The following SH3BGRL variants were observed in gnomAD, a reference collection of about 807,000 sequenced individuals.
SH3BGRL encodes SH3 domain binding glutamate rich protein like.
In SH3BGRL, 7 loss-of-function variants were observed where a neutral mutation model predicts 9.8. The observed-to-expected ratio is 0.72, with a 90% CI of 0.41 to 1.35. The LOEUF is 1.35. Ranked by LOEUF, SH3BGRL falls within the 40% of genes most tolerant of loss-of-function variation. SH3BGRL has a pLI of 0.01. For synonymous variants in SH3BGRL, 36 were observed against 29.1 expected (o/e 1.24, Z -0.76); for missense variants, 73 against 84.4 (o/e 0.86, Z 0.53).
chrX:81,283,983 G>T (rs1224462080), intron 3 of SH3BGRL, among the ~76,000 whole-genome samples: 1 of 110,569 alleles, frequency 9.0e-6, no homozygotes, highest in Non-Finnish European at 1.9e-5. Flanking sequence ...CCAGATCCAA[G>T]ATTAATATAC....
intron 1 of SH3BGRL, among the ~76,000 whole-genome samples, chrX:81,269,862 C>T (rs1366464022): frequency 4.5e-5 from 5 of 111,605 alleles, no homozygotes; most frequent in African/African-American, 9.8e-5. Flanking sequence ...ACCAATCAGA[C>T]GTAGATTTGG....
chrX:81,202,535 C>G (rs1209664530), intron 1 of SH3BGRL: 1 of 915,114 alleles, frequency 1.1e-6, no homozygotes, highest in Non-Finnish European at 1.3e-6. Context: ...TGGTGCTATA[C>G]GGTCTTTAGG....
In SH3BGRL at chrX:81,298,256, A is replaced by G. The variant is rs1226582515; in HGVS notation, c.*1029A>G. On this transcript the variant is annotated 3_prime_UTR_variant, in exon 4 of 4. Transcript: ENST00000373212. ...TTTCTATGCCTCTATTCCAGCAAAA[A>G]GTAGAAGTATCAAATAAAAAGGGCA... 1 of 111,664 alleles carries G rather than the reference A, an allele frequency of 9.0e-6. No individual in the cohort carries two copies. Among genetic ancestry groups the G allele is most frequent in the Non-Finnish European group, 1.9e-5 (1 of 52,896 alleles). The allele number at this position is 111,664 out of a possible 1,213,427, so 9.2% of individuals were successfully genotyped here. A position where few individuals can be genotyped will look rare whatever the true frequency, so the allele number is the denominator to read the frequency against.
intron 1 of SH3BGRL, among the ~76,000 whole-genome samples, chrX:81,211,871 A>T (rs1050581728): frequency 2.7e-5 from 3 of 110,340 alleles, no homozygotes; most frequent in Non-Finnish European, 5.7e-5. Context: ...TACTTAATAA[A>T]CTCCATATAT....
intron 3 of SH3BGRL, among the ~76,000 whole-genome samples, chrX:81,294,570 G>T (rs1379045768): frequency 9.1e-6 from 1 of 110,231 alleles, no homozygotes; most frequent in African/African-American, 3.3e-5. Context: ...TTGCTGCAGA[G>T]GTGGGGCTCT....
intron 1 of SH3BGRL, among the ~76,000 whole-genome samples, chrX:81,262,807 A>C (rs2075745149): frequency 8.9e-6 from 1 of 112,181 alleles, no homozygotes; most frequent in Admixed American, 9.5e-5. Context: ...AAAGTTTATT[A>C]TAATTAAAAT....
At chrX:81,224,606 A>G (rs998394965) in intron 1 of SH3BGRL, among the ~76,000 whole-genome samples, 1 of 111,639 alleles carries the variant, frequency 9.0e-6, no homozygotes, top group Non-Finnish European at 1.9e-5. Flanking sequence ...AGGCAATACT[A>G]AGAGTAAATC....
At chrX:81,274,160 C>A (rs2075789913) in intron 1 of SH3BGRL, among the ~76,000 whole-genome samples, 2 of 111,686 alleles carry the variant, frequency 1.8e-5, no homozygotes. Flanking sequence ...CCTTGTGACA[C>A]CTATTCCTCT....
chrX:81,255,129 C>T (rs1325321305), intron 1 of SH3BGRL, among the ~76,000 whole-genome samples: 1 of 110,914 alleles, frequency 9.0e-6, no homozygotes, highest in Non-Finnish European at 1.9e-5. Flanking sequence ...ACCTCATGGT[C>T]CGCCCCCCTC....
At chrX:81,213,911 T>C (rs2075573574) in intron 1 of SH3BGRL, among the ~76,000 whole-genome samples, 1 of 110,135 alleles carries the variant, frequency 9.1e-6, no homozygotes. Context: ...GGACGGAGAG[T>C]AGATATGGGA....
chrX:81,266,465 C>A (rs1044604365), intron 1 of SH3BGRL, among the ~76,000 whole-genome samples: 4 of 111,787 alleles, frequency 3.6e-5, no homozygotes, highest in Non-Finnish European at 7.5e-5. Flanking sequence ...AATAGGGAAT[C>A]TTTTCCTCAT....
intron 1 of SH3BGRL, among the ~76,000 whole-genome samples, chrX:81,215,859 C>T (rs1226289149): frequency 2.7e-5 from 3 of 111,440 alleles, no homozygotes; most frequent in Non-Finnish European, 3.8e-5. Flanking sequence ...CTTTTTATAC[C>T]GGAACATTCC....
At chrX:81,224,650 A>G (rs2075611064) in intron 1 of SH3BGRL, among the ~76,000 whole-genome samples, 2 of 111,736 alleles carry the variant, frequency 1.8e-5, no homozygotes, top group Admixed American at 9.5e-5. Context: ...ATTTCAGGTC[A>G]CAATTACCCT....
chrX:81,259,646 G>A (rs28513080), intron 1 of SH3BGRL, among the ~76,000 whole-genome samples: 1,694 of 111,933 alleles, frequency 0.015, 40 homozygotes, highest in African/African-American at 0.053. Flanking sequence ...GTACTTGATT[G>A]TGACAGTGTG....
At chrX:81,271,269 G>A (rs1056368326) in intron 1 of SH3BGRL, among the ~76,000 whole-genome samples, 3 of 112,176 alleles carry the variant, frequency 2.7e-5, no homozygotes, top group Non-Finnish European at 5.6e-5. Flanking sequence ...TGTCCATCCA[G>A]TCCCTGTGAG....
At chrX:81,294,925 G>A (rs1407608734) in intron 3 of SH3BGRL, among the ~76,000 whole-genome samples, 1 of 112,076 alleles carries the variant, frequency 8.9e-6, no homozygotes, top group Admixed American at 9.4e-5. Flanking sequence ...TGACTGCCCT[G>A]CTGGATTTTG....
At position 81,256,705 on chromosome X, in the gene SH3BGRL, C is replaced by T. The variant is rs149112142; in HGVS notation, c.46-20279C>T. Among the ~76,000 whole-genome samples the T allele has an allele frequency of 5.2e-3, 583 of 112,289 alleles. 1 individual carries two copies. Among genetic ancestry groups the T allele is most frequent in the Middle Eastern group, 0.014 (3 of 216 alleles). On this transcript the variant is annotated intron_variant, in intron 1 of 3. Transcript: ENST00000373212. ...GCGTATTGTAAACTACTTGGCTGAT[C>T]GTGCTACCTAGCAACTATATTGCTT...
At chrX:81,250,729 A>G (rs1028184195) in intron 1 of SH3BGRL, among the ~76,000 whole-genome samples, 1 of 112,239 alleles carries the variant, frequency 8.9e-6, no homozygotes, top group African/African-American at 3.2e-5. Flanking sequence ...ATAAAAATGC[A>G]GAATTTAGAC....
chrX:81,218,004 C>A (rs767490096), intron 1 of SH3BGRL, among the ~76,000 whole-genome samples: 1 of 110,510 alleles, frequency 9.0e-6, no homozygotes, highest in Non-Finnish European at 1.9e-5. Context: ...TTATATAATG[C>A]CCCTCTTTGT....
Sources: gnomAD v4.1 joint callset for allele counts (sites outside exome capture counted in the v4.1 genomes callset) on GRCh38, gnomAD v4.1.1 for gene constraint, MANE v1.5 for transcripts, NCBI Gene and HGNC (gene_info 2026-07-23, HGNC 2026-07-21) for gene names.